Variants in TUSC3 observed in about 807,000 individuals in gnomAD.
TUSC3 encodes the protein dolichyl-diphosphooligosaccharide--protein glycosyltransferase subunit TUSC3.
In TUSC3, 45 loss-of-function variants were observed where a neutral mutation model predicts 44.8. The ratio of observed to expected loss-of-function variants is 1.00; its 90% CI spans 0.79 to 1.29. The LOEUF (loss-of-function observed/expected upper bound fraction) is 1.29. TUSC3 is among the 50% of genes most tolerant of loss of function. TUSC3 has a pLI of 0.00. For synonymous variants in TUSC3, 212 were observed against 152.9 expected, an observed-to-expected ratio of 1.39 and a Z score of -2.85; for missense variants, 519 against 437.9, an observed-to-expected ratio of 1.19 and a Z score of -1.65.
the TUSC3 span, among the ~76,000 whole-genome samples, chr8:15,777,647 A>G: frequency 6.6e-6 from 1 of 152,124 alleles, no homozygotes; most frequent in Admixed American, 6.5e-5. Flanking sequence ...TTTCATCCTG[A>G]CAACTTTAAA....
chr8:15,822,464 T>A, the TUSC3 span, among the ~76,000 whole-genome samples: 21,410 of 152,148 alleles, frequency 0.14, 1,669 homozygotes, highest in East Asian at 0.25. Flanking sequence ...GTTGAGCACT[T>A]ATCCCAGAGT....
intron 6 of TUSC3, among the ~76,000 whole-genome samples, chr8:15,696,752 T>C (rs1197859594): frequency 6.6e-6 from 1 of 152,218 alleles, no homozygotes; most frequent in African/African-American, 2.4e-5. Flanking sequence ...TCTGTAGTTT[T>C]CTTTTTTGGT....
At chr8:15,512,628 C>T (rs939827255) in intron 2 of TUSC3, among the ~76,000 whole-genome samples, 1 of 151,850 alleles carries the variant, frequency 6.6e-6, no homozygotes, top group Non-Finnish European at 1.5e-5. Flanking sequence ...CAAAAATTAG[C>T]TTGGCATGGT....
At chr8:15,658,409 T>A (rs181646417) in intron 3 of TUSC3, among the ~76,000 whole-genome samples, 13 of 152,234 alleles carry the variant, frequency 8.5e-5, no homozygotes, top group Admixed American at 5.2e-4. Context: ...TGTACTTGGT[T>A]ATTAAACTTT....
intron 2 of TUSC3, among the ~76,000 whole-genome samples, chr8:15,491,050 C>T (rs1487116018): frequency 6.6e-6 from 1 of 152,174 alleles, no homozygotes; most frequent in Admixed American, 6.5e-5. Context: ...TCACTGAACA[C>T]ACATTTTACA....
At chr8:15,466,607 C>A (rs1800417733) in intron 1 of TUSC3, among the ~76,000 whole-genome samples, 1 of 152,076 alleles carries the variant, frequency 6.6e-6, no homozygotes, top group African/African-American at 2.4e-5. Context: ...TCAGTCTTGT[C>A]TTAAGTCATA....
At chr8:15,701,200 A>G (rs1809390232) in intron 6 of TUSC3, among the ~76,000 whole-genome samples, 2 of 152,120 alleles carry the variant, frequency 1.3e-5, no homozygotes, top group African/African-American at 4.8e-5. Flanking sequence ...TCCCTGTAAT[A>G]ATCAATGTAA....
intron 1 of TUSC3, among the ~76,000 whole-genome samples, chr8:15,621,561 A>G (rs1004270043): frequency 2.7e-5 from 4 of 147,828 alleles, no homozygotes; most frequent in South Asian, 2.1e-4. Context: ...AGTTATATAT[A>G]TATATTTAAC....
intron 7 of TUSC3, among the ~76,000 whole-genome samples, chr8:15,731,417 T>C (rs1435024426): frequency 1.3e-5 from 2 of 152,180 alleles, no homozygotes; most frequent in African/African-American, 4.8e-5. Flanking sequence ...TAAAATTTGA[T>C]TACTAATATC....
At chr8:15,777,870 A>G in the TUSC3 span, among the ~76,000 whole-genome samples, 1 of 152,152 alleles carries the variant, frequency 6.6e-6, no homozygotes, top group Non-Finnish European at 1.5e-5. Context: ...AAGGTTATCA[A>G]TATGAAGTGT....
At chr8:15,627,123 G>C (rs1187038511) in intron 2 of TUSC3, among the ~76,000 whole-genome samples, 1 of 152,218 alleles carries the variant, frequency 6.6e-6, no homozygotes, top group Non-Finnish European at 1.5e-5. Flanking sequence ...AGGATGGAGA[G>C]ATGATGAGAC....
rs184254334 is a variant in TUSC3, at chr8:15,745,364, G to C, written c.937+1752G>C. On this transcript the variant is annotated intron_variant, in intron 8 of 10. Coordinates refer to ENST00000503731, the MANE Select transcript of TUSC3 (RefSeq NM_006765.4). ...TGGGCCAAAGGTAGCACTGTGTTAAGTTTTTTGAGAAATCTCGAAACTGTT... is the reference window on the plus strand; with the variant it reads ...TGGGCCAAAGGTAGCACTGTGTTAACTTTTTTGAGAAATCTCGAAACTGTT... Among the ~76,000 whole-genome samples, 502 of 152,166 alleles carry C rather than the reference G, an allele frequency of 3.3e-3. 1 individual carries two copies. The highest frequency in any genetic ancestry group is 3.9e-3 in the Non-Finnish European group (265 of 67,988).
chr8:15,450,850 G>C (rs966202594), intron 1 of TUSC3, among the ~76,000 whole-genome samples: 2 of 152,138 alleles, frequency 1.3e-5, no homozygotes, highest in African/African-American at 4.8e-5. Context: ...AGAACCTCCA[G>C]AGGACTTGAG....
At position 15,745,183 on chromosome 8, in the gene TUSC3, C is replaced by T. The variant is rs192056940; in HGVS notation, c.937+1571C>T. Among the ~76,000 whole-genome samples the T allele has an allele frequency of 8.0e-4, 122 of 151,784 alleles. 1 individual carries two copies. The highest frequency in any genetic ancestry group is 2.8e-3 in the African/African-American group (114 of 41,372). On this transcript the variant is annotated intron_variant, in intron 8 of 10. Transcript: ENST00000503731. ...CATACCACATTTTCTTTATCTAGTC[C>T]GTCATTGATGTGGTATATATGTACC...
At chr8:15,850,015 C>T in the TUSC3 span, among the ~76,000 whole-genome samples, 2 of 151,892 alleles carry the variant, frequency 1.3e-5, no homozygotes, top group African/African-American at 4.8e-5. Context: ...TCTTCGACTT[C>T]CTCTGTCTCC....
intron 2 of TUSC3, among the ~76,000 whole-genome samples, chr8:15,526,127 G>C (rs2129130197): frequency 6.6e-6 from 1 of 152,094 alleles, no homozygotes; most frequent in African/African-American, 2.4e-5. Flanking sequence ...CCGCCTCCAG[G>C]GTTCCCGCCA....
intron 2 of TUSC3, among the ~76,000 whole-genome samples, chr8:15,525,257 C>G (rs754704073): frequency 6.6e-6 from 1 of 152,164 alleles, no homozygotes; most frequent in Non-Finnish European, 1.5e-5. Context: ...CCTACAAACA[C>G]TATGATAGTA....
At chr8:15,467,877 A>C (rs1435237907) in intron 1 of TUSC3, among the ~76,000 whole-genome samples, 1 of 152,134 alleles carries the variant, frequency 6.6e-6, no homozygotes, top group Non-Finnish European at 1.5e-5. Context: ...CTAATATTCT[A>C]CTTAGAATTC....
chr8:15,431,542 T>C (rs1799873712), intron 1 of TUSC3, among the ~76,000 whole-genome samples: 1 of 151,762 alleles, frequency 6.6e-6, no homozygotes, highest in African/African-American at 2.4e-5. Flanking sequence ...GCAGTTTTGC[T>C]AAAGTCATGG....
Sources: gnomAD v4.1 joint callset for allele counts (sites outside exome capture counted in the v4.1 genomes callset) on GRCh38, gnomAD v4.1.1 for gene constraint, MANE v1.5 for transcripts, NCBI Gene and HGNC (gene_info 2026-07-23, HGNC 2026-07-21) for gene names.